The following CSF3 variants were observed in gnomAD, a reference collection of about 807,000 sequenced individuals.
CSF3 encodes the protein granulocyte colony-stimulating factor.
CSF3 carries 17 observed loss-of-function variants against 20.2 expected under a neutral mutation model. The ratio of observed to expected loss-of-function variants is 0.84; its 90% CI spans 0.58 to 1.26. The LOEUF is 1.26. CSF3 is among the 50% of genes most tolerant of loss of function. CSF3 has a pLI of 0.00. For missense variants in CSF3, 210 were observed against 256.0 expected (o/e 0.82, Z 1.23); for synonymous variants, 125 against 115.3 (o/e 1.08, Z -0.54).
chr17:40,015,459 A>G lies in CSF3; in HGVS notation c.-16A>G, dbSNP rs2227323. ...CAAAACAGCCCGGAGCCTGCAGCCC[A>G]GCCCCACCCAGACCCATGGCTGGAC... is the stretch of plus-strand genomic sequence containing the variant. On this transcript the variant is annotated 5_prime_UTR_variant, in exon 1 of 5. Transcript: ENST00000394149. The G allele has an allele frequency of 5.2e-3, 8,114 of 1,550,998 alleles. 388 individuals carry two copies. The African/African-American group carries it at 0.097, about 18-fold the overall frequency.
At chr17:40,015,875 G>C (rs1981350300) in intron 2 of CSF3, 30 bp downstream of exon 2, 1 of 1,586,766 alleles carries the variant, frequency 6.3e-7, no homozygotes, top group Non-Finnish European at 8.6e-7. Context: ...GGGCTGTGGA[G>C]GGAAGCCCGG....
At chr17:40,015,593 T>A in intron 1 of CSF3, 79 bp downstream of exon 1, 1 of 1,547,150 alleles carries the variant, frequency 6.5e-7, no homozygotes, top group South Asian at 1.2e-5. Context: ...GGGCTGGGGA[T>A]CCCCGTTCTG....
Position 40,016,529 on chromosome 17 carries a change from G to A in CSF3, c.348G>A (p.Gln116=). 1 of 1,614,172 alleles carries A rather than the reference G, an allele frequency of 6.2e-7. No homozygotes were observed. Among genetic ancestry groups the A allele is most frequent in the Non-Finnish European group, 8.5e-7 (1 of 1,180,020 alleles). The part of the protein sequence containing the change: ...SQLHSGLFLY[Q]GLLQALEGIS... ...TCCATAGCGGCCTTTTCCTCTACCA[G>A]GGGCTCCTGCAGGCCCTGGAAGGGA... Residue 116 remains glutamine, a synonymous_variant, in exon 4 of 5, where the codon CAG becomes CAA. Coordinates refer to ENST00000394149, the MANE Select transcript of CSF3 (RefSeq NM_172219.3).
Position 40,016,262 on chromosome 17 carries a change from G to A in CSF3, c.225G>A (p.Glu75=), listed in dbSNP as rs764630230. 4.5e-6 allele frequency: 7 copies of A among 1,572,758 alleles called. No individual in the cohort carries two copies. The highest frequency in any genetic ancestry group is 6.0e-6 in the Non-Finnish European group (7 of 1,159,380). The change falls in exon 3 of 5, where the codon GAG becomes GAA. Residue 75 remains glutamate, a synonymous_variant. Coordinates refer to ENST00000394149, the MANE Select transcript of CSF3 (RefSeq NM_172219.3). ...LCATYKLCHP[E]ELVLLGHSLG... is the part of the protein sequence containing the mutation. ...CCACCTACAAGCTGTGCCACCCCGAGGAGCTGGTGCTGCTCGGACACTCTC... is the reference window on the plus strand; with the variant it reads ...CCACCTACAAGCTGTGCCACCCCGAAGAGCTGGTGCTGCTCGGACACTCTC...
At chr17:40,016,760 AG>A (rs949117496) in intron 4 of CSF3, 34 bp from the exon 5 acceptor site, 2 of 1,612,934 alleles carry the variant, frequency 1.2e-6, no homozygotes, top group African/African-American at 2.7e-5. Context: ...CCCACTCAGA[AG>A]GGCCCAACCA....
rs1981348271 is a variant in CSF3 at position 40,015,852 on chromosome 17, G to A, written c.195+7G>A. 1 of 1,601,968 alleles carries A rather than the reference G, an allele frequency of 6.2e-7. No homozygotes were observed. Reference sequence around the variant, plus strand: ...AGCGCTCCAGGAGAAGCTGGTGAGTGAGGTGGGTGAGAGGGCTGTGGAGGG... The same window carrying A: ...AGCGCTCCAGGAGAAGCTGGTGAGTAAGGTGGGTGAGAGGGCTGTGGAGGG... On this transcript the variant is annotated splice_region_variant and intron_variant, in intron 2 of 4. Coordinates refer to ENST00000394149, the MANE Select transcript of CSF3 (RefSeq NM_172219.3).
In CSF3 at chr17:40,017,197, C is replaced by A. The variant is rs1190302858; in HGVS notation, c.*238C>A. 1 of 402,492 alleles carries A rather than the reference C, an allele frequency of 2.5e-6. No individual in the cohort carries two copies. The highest frequency in any genetic ancestry group is 4.4e-6 in the Non-Finnish European group (1 of 228,238). 24.9% of individuals were successfully genotyped at this position (402,492 alleles called of 1,614,324 possible). On this transcript the variant is annotated 3_prime_UTR_variant, in exon 5 of 5. Coordinates refer to ENST00000394149, the MANE Select transcript of CSF3 (RefSeq NM_172219.3). ...TTTATTACTATGACTGCTCCCCAGC[C>A]CTGGCTCTGCAATGGGCACTGGGAT...
Position 40,016,511 on chromosome 17 carries a change from C to CG in CSF3, c.332dup (p.Leu112ProfsTer113). 6.2e-7 allele frequency: 1 copy of CG among 1,614,188 alleles called. No individual in the cohort carries two copies. The highest frequency in any genetic ancestry group is 8.5e-7 in the Non-Finnish European group (1 of 1,180,014). On this transcript the variant is annotated frameshift_variant, in exon 4 of 5. Coordinates refer to ENST00000394149, the MANE Select transcript of CSF3 (RefSeq NM_172219.3). LOFTEE classifies it high-confidence loss of function. ...CAGGCTGCTTGAGCCAACTCCATAGCGGCCTTTTCCTCTACCAGGGGCTCC... is the reference window on the plus strand; with the variant it reads ...CAGGCTGCTTGAGCCAACTCCATAGCGGGCCTTTTCCTCTACCAGGGGCTCC...
Position 40,016,303 on chromosome 17 carries a change from C to A in CSF3, c.266C>A (p.Ala89Asp). The A allele has an allele frequency of 6.2e-7, 1 of 1,607,446 alleles. No homozygotes were observed. Among genetic ancestry groups the A allele is most frequent in the Non-Finnish European group, 8.5e-7 (1 of 1,176,990 alleles). Residue 89 changes from alanine (A) to aspartate (D), a missense_variant, in exon 3 of 5, where the codon GCT (alanine) becomes GAT (aspartate). Coordinates refer to ENST00000394149, the MANE Select transcript of CSF3 (RefSeq NM_172219.3). ...LLGHSLGIPW[A>D]PLSSCPSQAL... ...GGACACTCTCTGGGCATCCCCTGGG[C>A]TCCCCTGAGCAGCTGCCCCAGCCAG... is the stretch of plus-strand genomic sequence containing the variant.
Position 40,016,229 on chromosome 17 carries a change from C to T in CSF3, c.196-4C>T. The T allele has an allele frequency of 6.5e-7, 1 of 1,542,988 alleles. No homozygotes were observed. Among genetic ancestry groups the T allele is most frequent in the South Asian group, 1.2e-5 (1 of 84,274 alleles). On this transcript the variant is annotated splice_polypyrimidine_tract_variant and splice_region_variant and intron_variant, in intron 2 of 4. Coordinates refer to ENST00000394149, the MANE Select transcript of CSF3 (RefSeq NM_172219.3). ...AGTCTCACTCAGCATCCTTCCATCC[C>T]CAGTGTGCCACCTACAAGCTGTGCC...
At chr17:40,016,751 C>A in intron 4 of CSF3, 44 bp from the exon 5 acceptor site, 1 of 1,612,958 alleles carries the variant, frequency 6.2e-7, no homozygotes, top group Non-Finnish European at 8.5e-7. Context: ...GTAATAACGC[C>A]CACTCAGAAG....
intron 3 of CSF3, 66 bp from the exon 4 acceptor site, chr17:40,016,419 G>A (rs1379536029): frequency 3.6e-5 from 58 of 1,607,652 alleles, no homozygotes; most frequent in Non-Finnish European, 4.7e-5. Flanking sequence ...CATGTCTCCA[G>A]GTTCCAAGCT....
In CSF3 at chr17:40,016,024, G is replaced by C. The variant is rs2227326; in HGVS notation, c.195+179G>C. ...ACCTTGGTGGGGACAGTGCTCGGGA[G>C]GGCTGGCTGGGATGGGAGTGGAGGC... On this transcript the variant is annotated intron_variant, in intron 2 of 4. Coordinates refer to ENST00000394149, the MANE Select transcript of CSF3 (RefSeq NM_172219.3). The C allele has an allele frequency of 7.3e-4, 741 of 1,013,688 alleles. 2 individuals are homozygous for C. In the African/African-American group the frequency reaches 0.011, roughly 14 times the overall value. The allele number at this position is 1,013,688 out of a possible 1,614,324, so 62.8% of individuals were successfully genotyped here.
Position 40,015,463 on chromosome 17 carries a change from C to T in CSF3, c.-12C>T, listed in dbSNP as rs1336796159. On this transcript the variant is annotated 5_prime_UTR_variant, in exon 1 of 5. Transcript: ENST00000394149. ...ACAGCCCGGAGCCTGCAGCCCAGCC[C>T]CACCCAGACCCATGGCTGGACCTGC... The T allele has an allele frequency of 6.4e-7, 1 of 1,551,182 alleles. No individual in the cohort carries two copies. The highest frequency in any genetic ancestry group is 2.4e-5 in the East Asian group (1 of 40,950).
chr17:40,016,176 G>C, intron 2 of CSF3, 57 bp from the exon 3 acceptor site: 2 of 1,345,356 alleles, frequency 1.5e-6, no homozygotes, highest in Non-Finnish European at 2.0e-6. Flanking sequence ...GGGAGGACCC[G>C]GGAAGGAGCG....
rs1454976827 is a variant in CSF3 at position 40,016,596 on chromosome 17, G to T, written c.415G>T (p.Asp139Tyr). 2 of 1,614,054 alleles carry T rather than the reference G, an allele frequency of 1.2e-6. No individual in the cohort carries two copies. The highest frequency in any genetic ancestry group is 1.7e-6 in the Non-Finnish European group (2 of 1,180,040). Residue 139 changes from aspartate (D) to tyrosine (Y), a missense_variant, in exon 4 of 5, where the codon GAC becomes TAC. Transcript: ENST00000394149. Reference protein sequence around the residue: ...LGPTLDTLQLDVADFATTIWQ... With the variant: ...LGPTLDTLQLYVADFATTIWQ... ...TCCCACCTTGGACACACTGCAGCTG[G>T]ACGTCGCCGACTTTGCCACCACCAT...
Position 40,017,084 on chromosome 17 carries a change from G to A in CSF3, c.*125G>A. ...CCTCTGTGTCCTTCCCTGCATTTCTGAGTTTCATTCTCCTGCCTGTAGCAG... is the reference window on the plus strand; with the variant it reads ...CCTCTGTGTCCTTCCCTGCATTTCTAAGTTTCATTCTCCTGCCTGTAGCAG... On this transcript the variant is annotated 3_prime_UTR_variant, in exon 5 of 5. Transcript: ENST00000394149. 5 of 938,752 alleles carry A rather than the reference G, an allele frequency of 5.3e-6. No individual in the cohort carries two copies. The highest frequency in any genetic ancestry group is 2.9e-5 in the East Asian group (1 of 34,606). The allele number at this position is 938,752 out of a possible 1,614,324, so 58.2% of individuals were successfully genotyped here.
At chr17:40,016,127 C>A in intron 2 of CSF3, 106 bp from the exon 3 acceptor site, 1 of 954,192 alleles carries the variant, frequency 1.0e-6, no homozygotes, top group South Asian at 1.6e-5. Flanking sequence ...ACTGAACAGC[C>A]TGGCAGGACA....
In CSF3 at chr17:40,016,131, C is replaced by A. The variant is rs374517253; in HGVS notation, c.196-102C>A. 19 of 964,400 alleles carry A rather than the reference C, an allele frequency of 2.0e-5. No homozygotes were observed. The East Asian group carries it at 4.8e-4, about 24-fold the overall frequency. The allele number at this position is 964,400 out of a possible 1,614,324, so 59.7% of individuals were successfully genotyped here. A position where few individuals can be genotyped will look rare whatever the true frequency, so the allele number is the denominator to read the frequency against. ...GGCAGAGAGGAACTGAACAGCCTGG[C>A]AGGACATGGAGGGAGGGGAAAGACC... On this transcript the variant is annotated intron_variant, in intron 2 of 4. Transcript: ENST00000394149.
Sources: gnomAD v4.1 joint callset for allele counts on GRCh38, gnomAD v4.1.1 for gene constraint, MANE v1.5 for transcripts, NCBI Gene and HGNC (gene_info 2026-07-23, HGNC 2026-07-21) for gene names.